The following ENTREP2 variants were observed in gnomAD, a reference collection of about 807,000 sequenced individuals.
ENTREP2 encodes the protein protein ENTREP2.
chr15:29,137,280 G>T, the ENTREP2 span: 1 of 1,232,424 alleles, frequency 8.1e-7, no homozygotes, highest in South Asian at 1.7e-5. Flanking sequence ...GAGCTTTAAT[G>T]ATCAGTTTGG....
At chr15:29,388,437 G>T in the ENTREP2 span, among the ~76,000 whole-genome samples, 2 of 152,208 alleles carry the variant, frequency 1.3e-5, no homozygotes, top group African/African-American at 4.8e-5. Context: ...ACACCAGTTA[G>T]AATGGCCATA....
At chr15:29,289,066 G>A in the ENTREP2 span, among the ~76,000 whole-genome samples, 1 of 152,010 alleles carries the variant, frequency 6.6e-6, no homozygotes, top group Admixed American at 6.5e-5. Flanking sequence ...AATTAGCTGG[G>A]TGTGGTGGTG....
chr15:29,396,291 C>T, the ENTREP2 span, among the ~76,000 whole-genome samples: 17 of 151,846 alleles, frequency 1.1e-4, no homozygotes, highest in Admixed American at 5.9e-4. Flanking sequence ...CGGGCAACTA[C>T]GCTTCTCCTC....
At chr15:29,538,526 G>A in the ENTREP2 span, among the ~76,000 whole-genome samples, 2 of 151,806 alleles carry the variant, frequency 1.3e-5, no homozygotes, top group African/African-American at 4.8e-5. Context: ...CGGGCGCAGT[G>A]GCTCACGCTT....
the ENTREP2 span, among the ~76,000 whole-genome samples, chr15:29,137,914 C>T: frequency 2.0e-5 from 3 of 151,964 alleles, no homozygotes; most frequent in Non-Finnish European, 4.4e-5. Flanking sequence ...ACCCTCCCCT[C>T]GAAATGTCCC....
the ENTREP2 span, among the ~76,000 whole-genome samples, chr15:29,454,544 C>G: frequency 6.6e-6 from 1 of 152,204 alleles, no homozygotes; most frequent in African/African-American, 2.4e-5. Flanking sequence ...CCTCAATTTC[C>G]TTGATTGAAC....
At chr15:29,446,781 C>A in the ENTREP2 span, among the ~76,000 whole-genome samples, 4 of 152,282 alleles carry the variant, frequency 2.6e-5, no homozygotes, top group Middle Eastern at 3.4e-3. Context: ...CTGCCTTTTC[C>A]CACTCCTAGA....
chr15:29,447,555 T>C, the ENTREP2 span, among the ~76,000 whole-genome samples: 1 of 152,072 alleles, frequency 6.6e-6, no homozygotes, highest in African/African-American at 2.4e-5. Flanking sequence ...AGCTTCAACC[T>C]CTGGGCTTAA....
At chr15:29,562,124 G>C in the ENTREP2 span, among the ~76,000 whole-genome samples, 2 of 152,206 alleles carry the variant, frequency 1.3e-5, no homozygotes, top group African/African-American at 2.4e-5. Flanking sequence ...AGAATGCAAG[G>C]CCTGTGCCCT....
At chr15:29,485,746 T>G in the ENTREP2 span, among the ~76,000 whole-genome samples, 1 of 152,008 alleles carries the variant, frequency 6.6e-6, no homozygotes, top group Non-Finnish European at 1.5e-5. Flanking sequence ...GGCCAGGAGA[T>G]ATATGAAAGA....
the ENTREP2 span, among the ~76,000 whole-genome samples, chr15:29,451,363 A>G: frequency 6.6e-6 from 1 of 152,268 alleles, no homozygotes; most frequent in South Asian, 2.1e-4. Flanking sequence ...CCTCTCCCAC[A>G]GGAGTCTGCA....
the ENTREP2 span, among the ~76,000 whole-genome samples, chr15:29,241,280 C>A: frequency 6.6e-6 from 1 of 152,126 alleles, no homozygotes; most frequent in Admixed American, 6.5e-5. Flanking sequence ...GATGAAGCAG[C>A]CCCCTAGATA....
the ENTREP2 span, among the ~76,000 whole-genome samples, chr15:29,377,549 C>A: frequency 6.6e-6 from 1 of 152,132 alleles, no homozygotes; most frequent in East Asian, 1.9e-4. Flanking sequence ...CACGGCCAGG[C>A]GCAGTGGCTT....
At chr15:29,282,301 T>C in the ENTREP2 span, among the ~76,000 whole-genome samples, 1 of 152,186 alleles carries the variant, frequency 6.6e-6, no homozygotes. Context: ...CATTCTCTCT[T>C]GTCTGCTGCC....
chr15:29,169,779 C>T, the ENTREP2 span, among the ~76,000 whole-genome samples: 1 of 152,102 alleles, frequency 6.6e-6, no homozygotes, highest in Non-Finnish European at 1.5e-5. Context: ...GCTCCCTAAA[C>T]TCAAGAAACC....
the ENTREP2 span, among the ~76,000 whole-genome samples, chr15:29,280,934 C>G: frequency 6.6e-6 from 1 of 152,024 alleles, no homozygotes; most frequent in Admixed American, 6.5e-5. Context: ...GTTGGGAAAG[C>G]AAGTATTAAT....
At chr15:29,362,611 G>C in the ENTREP2 span, among the ~76,000 whole-genome samples, 1 of 151,898 alleles carries the variant, frequency 6.6e-6, no homozygotes, top group Non-Finnish European at 1.5e-5. Flanking sequence ...CTGAGCTCAG[G>C]CAATACGCCC....
chr15:29,636,712 A>AGTCT, the ENTREP2 span, among the ~76,000 whole-genome samples: 1 of 152,192 alleles, frequency 6.6e-6, no homozygotes, highest in Non-Finnish European at 1.5e-5. Flanking sequence ...TTATTCCCTC[A>AGTCT]GTCTGTGAGT....
the ENTREP2 span, among the ~76,000 whole-genome samples, chr15:29,623,286 G>A: frequency 6.6e-6 from 1 of 152,102 alleles, no homozygotes; most frequent in African/African-American, 2.4e-5. Flanking sequence ...GTCCTGAGTG[G>A]GCTCAAGTTC....
Sources: allele counts gnomAD v4.1 joint callset (sites outside exome capture counted in the v4.1 genomes callset), GRCh38; gene constraint gnomAD v4.1.1; transcripts MANE v1.5; gene names NCBI Gene and HGNC (gene_info 2026-07-23, HGNC 2026-07-21).